Variants in BRMS1L observed in about 807,000 individuals in gnomAD.
The protein encoded by BRMS1L is breast cancer metastasis-suppressor 1-like protein.
BRMS1L carries 23 observed loss-of-function variants against 50.3 expected under a neutral mutation model. The ratio of observed to expected loss-of-function variants is 0.46; its 90% CI spans 0.33 to 0.65. The LOEUF (loss-of-function observed/expected upper bound fraction) is 0.65. Among genes scored for constraint, BRMS1L ranks in the 30% least tolerant of loss-of-function variants. The probability of loss-of-function intolerance (pLI) is 0.02; values close to 1 mark genes in which losing one functional copy is unlikely to be tolerated. For missense variants in BRMS1L, 286 were observed against 386.1 expected (o/e 0.74, Z 2.17); for synonymous variants, 114 against 126.9 (o/e 0.90, Z 0.69).
intron 4 of BRMS1L, among the ~76,000 whole-genome samples, chr14:35,855,932 G>A (rs143055380): frequency 6.6e-6 from 1 of 152,320 alleles, no homozygotes. Context: ...CAATTAATGA[G>A]CAGCAGAACC....
At chr14:35,835,159 A>C (rs1595661285) in intron 4 of BRMS1L, among the ~76,000 whole-genome samples, 1 of 152,278 alleles carries the variant, frequency 6.6e-6, no homozygotes, top group East Asian at 1.9e-4. Flanking sequence ...TGCAGCTGTT[A>C]CTTTAAAAAG....
chr14:35,833,670 A>G (rs1166107992), intron 3 of BRMS1L, among the ~76,000 whole-genome samples: 1 of 152,132 alleles, frequency 6.6e-6, no homozygotes, highest in Non-Finnish European at 1.5e-5. Context: ...ATGTTTGTAA[A>G]TAGGATCCAG....
At position 35,843,792 on chromosome 14, in the gene BRMS1L, G is replaced by A. The variant is rs139642422; in HGVS notation, c.441+8869G>A. On this transcript the variant is annotated intron_variant, in intron 4 of 9. Coordinates refer to ENST00000216807, the MANE Select transcript of BRMS1L (RefSeq NM_032352.4). ...TTGCTGAAGCTGCGCCCATAGCCAC[G>A]CCTTCCCCCAGGTGCTCTGTCCTAG... 5.8e-3 allele frequency among the ~76,000 whole-genome samples: 880 copies of A among 152,328 alleles called. 14 individuals are homozygous for A. Among genetic ancestry groups the A allele is most frequent in the Admixed American group, 0.03 (460 of 15,302 alleles).
rs376335402 is a variant in BRMS1L, at chr14:35,860,836, A to AG, written c.442-1750dup. ...AACAGCATAGGCGTCAGCCTGGGAA[A>AG]GGGGTTATTAGTGAGCAGGATCAGT... On this transcript the variant is annotated intron_variant, in intron 4 of 9. Transcript: ENST00000216807. 4.2e-3 allele frequency among the ~76,000 whole-genome samples: 643 copies of AG among 152,336 alleles called. 3 individuals are homozygous for AG. The highest frequency in any genetic ancestry group is 0.015 in the African/African-American group (621 of 41,584).
intron 6 of BRMS1L, among the ~76,000 whole-genome samples, chr14:35,864,524 G>A (rs1374995932): frequency 6.6e-6 from 1 of 152,124 alleles, no homozygotes; most frequent in Non-Finnish European, 1.5e-5. Context: ...AAAGTGCTAG[G>A]ATTGCAGGCA....
intron 4 of BRMS1L, among the ~76,000 whole-genome samples, chr14:35,851,358 CAGATGTCTAAACAAAAAAGCATGCCA>C (rs1249487579): frequency 0.022 from 3,112 of 141,112 alleles, 114 homozygotes; most frequent in South Asian, 0.15. Flanking sequence ...AAGTGATTTC[CAGATGTCTAAACAAAAAAGCATGCCA>C]AAAAAAAAAA....
chr14:35,843,960 A>T (rs913310629), intron 4 of BRMS1L, among the ~76,000 whole-genome samples: 2 of 152,146 alleles, frequency 1.3e-5, no homozygotes, highest in Non-Finnish European at 2.9e-5. Flanking sequence ...CCCAGTTGCA[A>T]CTTCCTGGTG....
chr14:35,834,797 G>A lies in BRMS1L; in HGVS notation c.362-47G>A, dbSNP rs749277182. 4.5e-6 allele frequency: 6 copies of A among 1,322,090 alleles called. No individual in the cohort carries two copies. In the South Asian group the frequency reaches 5.9e-5, roughly 13 times the overall value. The allele number at this position is 1,322,090 out of a possible 1,614,324, so 81.9% of individuals were successfully genotyped here. ...GAATTCCTGTAGGGAAGTGATAATG[G>A]AACTTCTCATTGCTAACATAATCAG... is the stretch of plus-strand genomic sequence containing the variant. On this transcript the variant is annotated intron_variant, in intron 3 of 9. Transcript: ENST00000216807.
Position 35,826,424 on chromosome 14 carries a change from G to A in BRMS1L, c.-93G>A, listed in dbSNP as rs2077842569. 2.0e-6 allele frequency: 3 copies of A among 1,531,538 alleles called. No homozygotes were observed. The highest frequency in any genetic ancestry group is 1.8e-6 in the Non-Finnish European group (2 of 1,138,000). The allele number at this position is 1,531,538 out of a possible 1,614,324, so 94.9% of individuals were successfully genotyped here. On this transcript the variant is annotated 5_prime_UTR_variant, in exon 1 of 10. Transcript: ENST00000216807. ...GCCAAGGGGGCGAGCAAGCTCGGTGGCTGGGTGGGTTGGGGCGTTCCGCGC... is the reference window on the plus strand; with the variant it reads ...GCCAAGGGGGCGAGCAAGCTCGGTGACTGGGTGGGTTGGGGCGTTCCGCGC...
chr14:35,861,813 C>T (rs1304145024), intron 4 of BRMS1L, among the ~76,000 whole-genome samples: 1 of 152,200 alleles, frequency 6.6e-6, no homozygotes, highest in East Asian at 1.9e-4. Flanking sequence ...GCAAGACAGT[C>T]ATATCTGCTA....
At chr14:35,859,098 G>A (rs558453873) in intron 4 of BRMS1L, among the ~76,000 whole-genome samples, 10 of 151,814 alleles carry the variant, frequency 6.6e-5, no homozygotes, top group South Asian at 4.2e-4. Context: ...CCTGCACCAC[G>A]CCCGGCTTAT....
rs1482880257 is a variant in BRMS1L at position 35,826,349 on chromosome 14, C to A, written c.-168C>A. ...CCTCCGCCAATGGCAGAGCTCCCAT[C>A]GCAGAGCCTGCGGGTTAGGTTGTGA... On this transcript the variant is annotated 5_prime_UTR_variant, in exon 1 of 10. Coordinates refer to ENST00000216807, the MANE Select transcript of BRMS1L (RefSeq NM_032352.4). 2.0e-6 allele frequency: 2 copies of A among 1,001,170 alleles called. No individual in the cohort carries two copies. The highest frequency in any genetic ancestry group is 2.6e-5 in the East Asian group (1 of 38,044). The allele number at this position is 1,001,170 out of a possible 1,614,324, so 62.0% of individuals were successfully genotyped here.
chr14:35,870,327 T>G (rs746843597), intron 9 of BRMS1L, 33 bp from the exon 10 acceptor site: 1 of 1,291,082 alleles, frequency 7.7e-7, no homozygotes, highest in Non-Finnish European at 1.1e-6. Flanking sequence ...GACATTGTAA[T>G]TCATTCATTC....
At position 35,867,961 on chromosome 14, in the gene BRMS1L, A is replaced by G. The variant is rs768125543; in HGVS notation, c.783A>G (p.Leu261=). ...GTGCTAGATCTGAAGAGGGAAGACT[A>G]TATTATGATGGTGAATGGTATATAC... ...LHSARSEEGR[L]YYDGEWYIRG... Residue 261 remains leucine, a synonymous_variant, in exon 9 of 10, where the codon CTA becomes CTG. Transcript: ENST00000216807. The G allele has an allele frequency of 1.7e-5, 27 of 1,612,468 alleles. No individual in the cohort carries two copies. Among genetic ancestry groups the G allele is most frequent in the African/African-American group, 2.7e-5 (2 of 74,830 alleles).
At position 35,831,435 on chromosome 14, in the gene BRMS1L, A is replaced by G. The variant is rs1411283014; in HGVS notation, c.168A>G (p.Arg56=). Residue 56 remains arginine (R), a synonymous_variant, in exon 2 of 10, where the codon AGA becomes AGG. Coordinates refer to ENST00000216807, the MANE Select transcript of BRMS1L (RefSeq NM_032352.4). ...SSEMDDEDCE[R]RRMECLDEMS... is the part of the protein sequence containing the mutation. ...AAATGGATGATGAAGACTGTGAAAG[A>G]AGAAGAATGGAATGTTTGGATGAAA... The G allele has an allele frequency of 6.2e-7, 1 of 1,613,768 alleles. No individual in the cohort carries two copies. The highest frequency in any genetic ancestry group is 2.2e-5 in the East Asian group (1 of 44,868).
chr14:35,829,712 C>G (rs1364931864), intron 1 of BRMS1L: 1 of 534,132 alleles, frequency 1.9e-6, no homozygotes, highest in Non-Finnish European at 2.8e-6. Context: ...TATTTTTAAT[C>G]TGTTTTAGAA....
chr14:35,837,560 C>CT (rs1555455130), intron 4 of BRMS1L, among the ~76,000 whole-genome samples: 4 of 151,612 alleles, frequency 2.6e-5, no homozygotes, highest in Admixed American at 6.6e-5. Context: ...TTTTCTTCTT[C>CT]TTTTTTTTGA....
At chr14:35,870,158 A>C (rs2078473216) in intron 9 of BRMS1L, among the ~76,000 whole-genome samples, 1 of 152,086 alleles carries the variant, frequency 6.6e-6, no homozygotes. Context: ...CTATTAAGAA[A>C]AGAAGGATGA....
chr14:35,851,228 G>A (rs1454336082), intron 4 of BRMS1L, among the ~76,000 whole-genome samples: 1 of 152,160 alleles, frequency 6.6e-6, no homozygotes, highest in Non-Finnish European at 1.5e-5. Context: ...CTTTGGTTAA[G>A]GTGAAACCGC....
Sources: gnomAD v4.1 joint callset for allele counts (sites outside exome capture counted in the v4.1 genomes callset) on GRCh38, gnomAD v4.1.1 for gene constraint, MANE v1.5 for transcripts, NCBI Gene and HGNC (gene_info 2026-07-23, HGNC 2026-07-21) for gene names.